HCRTR2: variants seen among roughly 807,000 people sequenced by gnomAD.
HCRTR2 encodes hypocretin receptor 2.
HCRTR2 carries 22 observed loss-of-function variants against 49.0 expected under a neutral mutation model. The ratio of observed to expected loss-of-function variants is 0.45; its 90% CI spans 0.32 to 0.64. The LOEUF (loss-of-function observed/expected upper bound fraction) is 0.64, where lower values mean the gene tolerates loss of function less well. HCRTR2 is among the 30% of genes least tolerant of loss of function. The pLI, the probability that HCRTR2 is intolerant of heterozygous loss-of-function variation, is 0.04. For synonymous variants in HCRTR2, 236 were observed against 205.3 expected, an observed-to-expected ratio of 1.15 and a Z score of -1.28; for missense variants, 491 against 559.4, an observed-to-expected ratio of 0.88 and a Z score of 1.23.
intron 1 of HCRTR2, among the ~76,000 whole-genome samples, chr6:55,159,370 C>G (rs747535507): frequency 6.6e-6 from 1 of 152,076 alleles, no homozygotes; most frequent in African/African-American, 2.4e-5. Context: ...GATAAATCCA[C>G]AAAGATGGGG....
At chr6:55,158,466 C>G (rs1008042676) in intron 1 of HCRTR2, among the ~76,000 whole-genome samples, 1 of 152,172 alleles carries the variant, frequency 6.6e-6, no homozygotes, top group Admixed American at 6.5e-5. Flanking sequence ...ACCATTCACT[C>G]TCCTGGAAAG....
upstream of HCRTR2, chr6:55,174,499 C>A: frequency 1.8e-6 from 2 of 1,112,892 alleles, no homozygotes; most frequent in East Asian, 2.4e-5. Flanking sequence ...AGCCTCTCCG[C>A]GCAGCCTTTC....
At chr6:55,217,451 C>G (rs941613265) in intron 1 of HCRTR2, among the ~76,000 whole-genome samples, 1 of 152,154 alleles carries the variant, frequency 6.6e-6, no homozygotes, top group African/African-American at 2.4e-5. Context: ...AGTAGCCAAA[C>G]AGCATCATGA....
intron 1 of HCRTR2, among the ~76,000 whole-genome samples, chr6:55,139,487 T>C (rs776127620): frequency 1.2e-4 from 18 of 152,320 alleles, no homozygotes; most frequent in Non-Finnish European, 2.5e-4. Context: ...AGTTTTGATA[T>C]CACTGAGCTT....
intron 1 of HCRTR2, 58 bp downstream of exon 1, chr6:55,174,868 T>C (rs1437516114): frequency 7.0e-7 from 1 of 1,418,790 alleles, no homozygotes; most frequent in African/African-American, 1.4e-5. Context: ...CGCCCCGGGC[T>C]GAGAAGGCTC....
upstream of HCRTR2, among the ~76,000 whole-genome samples, chr6:55,172,966 G>T (rs1764972621): frequency 1.3e-5 from 2 of 152,226 alleles, no homozygotes; most frequent in Admixed American, 1.3e-4. Context: ...CCATATTATT[G>T]TTACTTCCTC....
At chr6:55,136,889 C>T (rs959566747) in intron 1 of HCRTR2, among the ~76,000 whole-genome samples, 2 of 152,190 alleles carry the variant, frequency 1.3e-5, no homozygotes, top group African/African-American at 2.4e-5. Flanking sequence ...CACCTTGTGG[C>T]TATGGCATCT....
intron 3 of HCRTR2, 32 bp from the exon 4 acceptor site, chr6:55,263,675 G>T: frequency 8.7e-7 from 1 of 1,143,000 alleles, no homozygotes. Flanking sequence ...CAATTGTAAC[G>T]TAAGGTTTTG....
intron 1 of HCRTR2, among the ~76,000 whole-genome samples, chr6:55,228,622 C>A (rs1413060380): frequency 6.6e-6 from 1 of 152,120 alleles, no homozygotes; most frequent in East Asian, 1.9e-4. Flanking sequence ...TCACAGGTAT[C>A]ACACCAATAG....
At chr6:55,165,580 T>C (rs1231104753) in intron 1 of HCRTR2, among the ~76,000 whole-genome samples, 1 of 151,560 alleles carries the variant, frequency 6.6e-6, no homozygotes, top group Non-Finnish European at 1.5e-5. Context: ...TTAAATATGA[T>C]AAAATATGGT....
rs79772035 is a variant in HCRTR2, at chr6:55,116,631, A to G, written c.-378+10086A>G. On this transcript the variant is annotated intron_variant, in intron 1 of 7. Coordinates refer to the HCRTR2 transcript ENST00000615358. Reference sequence around the variant, plus strand: ...TTGATCTAAAAAAAATTCTTTGTTCATATTCAATTAGACCTGGACATCTGC... The same window carrying G: ...TTGATCTAAAAAAAATTCTTTGTTCGTATTCAATTAGACCTGGACATCTGC... 9.0e-3 allele frequency among the ~76,000 whole-genome samples: 1,359 copies of G among 150,770 alleles called. 19 individuals carry two copies. Among genetic ancestry groups the G allele is most frequent in the African/African-American group, 0.031 (1,275 of 41,238 alleles).
chr6:55,119,316 C>G (rs1054964054), intron 1 of HCRTR2, among the ~76,000 whole-genome samples: 1 of 152,066 alleles, frequency 6.6e-6, no homozygotes, highest in African/African-American at 2.4e-5. Flanking sequence ...ATTGCTGGGT[C>G]AAATGGTATT....
intron 4 of HCRTR2, among the ~76,000 whole-genome samples, chr6:55,276,314 G>T (rs751974781): frequency 7.2e-5 from 11 of 152,320 alleles, no homozygotes; most frequent in Non-Finnish European, 1.3e-4. Context: ...ATTTATCTGT[G>T]TGGACATATA....
chr6:55,189,281 A>G (rs554119038), intron 1 of HCRTR2, among the ~76,000 whole-genome samples: 12 of 152,192 alleles, frequency 7.9e-5, no homozygotes, highest in Non-Finnish European at 1.2e-4. Context: ...AGAACGGATT[A>G]AAGTTATGAG....
intron 3 of HCRTR2, among the ~76,000 whole-genome samples, chr6:55,255,653 T>G (rs1253056914): frequency 6.6e-6 from 1 of 152,226 alleles, no homozygotes; most frequent in Non-Finnish European, 1.5e-5. Flanking sequence ...CAGATTTGAT[T>G]ATTTTAGTTT....
intron 1 of HCRTR2, among the ~76,000 whole-genome samples, chr6:55,163,323 T>C (rs1764833169): frequency 6.6e-6 from 1 of 151,258 alleles, no homozygotes; most frequent in African/African-American, 2.4e-5. Flanking sequence ...GCCAAAACAA[T>C]CCTAAGCAAA....
intron 1 of HCRTR2, among the ~76,000 whole-genome samples, chr6:55,127,502 T>C (rs1456645062): frequency 6.6e-6 from 1 of 152,172 alleles, no homozygotes; most frequent in Admixed American, 6.6e-5. Context: ...AGACCAGAGC[T>C]CTTCCTATTT....
chr6:55,199,027 G>A lies in HCRTR2; in HGVS notation c.223+24217G>A, dbSNP rs553411859. ...CCAAGATTAGTTTATATCAAACCTAGTTAGTTTTGCTCATGTAAGGGATTA... is the reference window on the plus strand; with the variant it reads ...CCAAGATTAGTTTATATCAAACCTAATTAGTTTTGCTCATGTAAGGGATTA... On this transcript the variant is annotated intron_variant, in intron 1 of 6. Coordinates refer to ENST00000370862, the MANE Select transcript of HCRTR2 (RefSeq NM_001384272.1). Among the ~76,000 whole-genome samples the A allele has an allele frequency of 2.6e-5, 4 of 152,296 alleles. No homozygotes were observed. In the South Asian group the frequency reaches 8.3e-4, roughly 32 times the overall value.
Position 55,277,481 on chromosome 6 carries a change from T to C in HCRTR2, c.864T>C (p.Ala288=). Residue 288 remains alanine (A), a synonymous_variant, in exon 5 of 7, where the codon GCT becomes GCC. Transcript: ENST00000370862. ...PGQPTKSRMS[A]VAAEIKQIRA... ...AGCCAACGAAGTCCCGGATGAGCGCTGTGGCGGCTGAAATAAAGCAGATCC... is the reference window on the plus strand; with the variant it reads ...AGCCAACGAAGTCCCGGATGAGCGCCGTGGCGGCTGAAATAAAGCAGATCC... 1 of 1,614,076 alleles carries C rather than the reference T, an allele frequency of 6.2e-7. No homozygotes were observed. Among genetic ancestry groups the C allele is most frequent in the Non-Finnish European group, 8.5e-7 (1 of 1,179,998 alleles).
Sources: gnomAD v4.1 joint callset for allele counts (sites outside exome capture counted in the v4.1 genomes callset) on GRCh38, gnomAD v4.1.1 for gene constraint, MANE v1.5 for transcripts, NCBI Gene and HGNC (gene_info 2026-07-23, HGNC 2026-07-21) for gene names.